UVRAG: variants seen among roughly 807,000 people sequenced by gnomAD.
UVRAG encodes UV radiation resistance-associated gene protein.
Under a neutral mutation model 78.0 loss-of-function variants are expected in UVRAG, and 19 were observed. That is an observed-to-expected ratio of 0.24 (90% confidence interval 0.17 to 0.36). UVRAG has a LOEUF of 0.36. Among genes scored for constraint, UVRAG ranks in the 10% least tolerant of loss-of-function variants. UVRAG has a pLI of 1.00. For missense variants in UVRAG, 740 were observed against 853.8 expected (o/e 0.87, Z 1.66); for synonymous variants, 323 against 324.6 (o/e 1.00, Z 0.05).
At chr11:76,030,667 C>T (rs535673236) in intron 12 of UVRAG, among the ~76,000 whole-genome samples, 14 of 152,292 alleles carry the variant, frequency 9.2e-5, no homozygotes, top group Middle Eastern at 3.4e-3. Flanking sequence ...CCTTGATACT[C>T]ATTGTCCATG....
intron 13 of UVRAG, among the ~76,000 whole-genome samples, chr11:76,091,596 A>G (rs1255795326): frequency 6.6e-6 from 1 of 151,308 alleles, no homozygotes; most frequent in Non-Finnish European, 1.5e-5. Context: ...CTCTGGAGAG[A>G]TTTGCTTACC....
At chr11:76,086,466 T>C (rs1951590829) in intron 13 of UVRAG, among the ~76,000 whole-genome samples, 2 of 152,220 alleles carry the variant, frequency 1.3e-5, no homozygotes. Flanking sequence ...TCCTTTCATA[T>C]TTGAAATTAA....
At chr11:76,005,664 G>A (rs555370876) in intron 9 of UVRAG, among the ~76,000 whole-genome samples, 2 of 152,326 alleles carry the variant, frequency 1.3e-5, no homozygotes, top group East Asian at 3.9e-4. Flanking sequence ...ATTCCCACAA[G>A]ACTGCCTCAC....
At chr11:76,088,213 A>C (rs1246731928) in intron 13 of UVRAG, among the ~76,000 whole-genome samples, 2 of 152,192 alleles carry the variant, frequency 1.3e-5, no homozygotes, top group African/African-American at 4.8e-5. Flanking sequence ...CAGTAATGAC[A>C]TCAGTGATAC....
At chr11:75,879,831 G>A (rs138803729) in intron 3 of UVRAG, 48 bp from the exon 4 acceptor site, 32 of 1,573,712 alleles carry the variant, frequency 2.0e-5, no homozygotes, top group Non-Finnish European at 2.5e-5. Context: ...TGAAATAATC[G>A]TAAACAAATA....
chr11:75,969,854 C>T (rs1246892347), intron 7 of UVRAG, among the ~76,000 whole-genome samples: 4 of 152,172 alleles, frequency 2.6e-5, no homozygotes, highest in East Asian at 1.9e-4. Context: ...ACTGAGTTCC[C>T]ACGCTTCCTC....
intron 9 of UVRAG, among the ~76,000 whole-genome samples, chr11:76,005,546 TACA>T (rs1354724774): frequency 6.6e-6 from 1 of 152,206 alleles, no homozygotes; most frequent in Non-Finnish European, 1.5e-5. Flanking sequence ...CACCACTCAA[TACA>T]ACACTTTTAA....
At chr11:76,124,339 C>T (rs17134579) in intron 14 of UVRAG, among the ~76,000 whole-genome samples, 18,778 of 152,162 alleles carry the variant, frequency 0.12, 2,943 homozygotes, top group African/African-American at 0.37. Flanking sequence ...AGTTGACAGT[C>T]GTTTAGTTTA....
At chr11:75,835,384 T>A (rs1273978670) in intron 1 of UVRAG, 1 of 152,162 alleles carries the variant, frequency 6.6e-6, no homozygotes, top group Non-Finnish European at 1.5e-5. Context: ...GGTATGCAGA[T>A]GACAATTTCC....
chr11:76,083,659 G>C (rs1043627741), intron 13 of UVRAG, among the ~76,000 whole-genome samples: 1 of 152,106 alleles, frequency 6.6e-6, no homozygotes, highest in Non-Finnish European at 1.5e-5. Context: ...TAAGCTAACC[G>C]GGAAGAGGAA....
At chr11:76,108,979 A>G (rs1447888367) in intron 13 of UVRAG, among the ~76,000 whole-genome samples, 2 of 152,198 alleles carry the variant, frequency 1.3e-5, no homozygotes, top group Non-Finnish European at 2.9e-5. Flanking sequence ...GTAAAGCTGA[A>G]ATTCAAACTA....
chr11:76,080,286 G>A (rs1308054168), intron 13 of UVRAG, among the ~76,000 whole-genome samples: 1 of 152,170 alleles, frequency 6.6e-6, no homozygotes. Context: ...TTTGTTATTA[G>A]TGTAGAAAAG....
intron 12 of UVRAG, among the ~76,000 whole-genome samples, chr11:76,060,607 G>C (rs944112287): frequency 6.6e-6 from 1 of 152,352 alleles, no homozygotes; most frequent in South Asian, 2.1e-4. Flanking sequence ...CGGCGCTTGC[G>C]GGCCAGCTGG....
chr11:76,018,911 T>C (rs779364618), intron 12 of UVRAG, among the ~76,000 whole-genome samples: 5 of 152,184 alleles, frequency 3.3e-5, no homozygotes, highest in Non-Finnish European at 5.9e-5. Context: ...TTCTCTGTTA[T>C]TATTCCTTTC....
At chr11:76,088,127 TATGGGCTCAA>T (rs1056863888) in intron 13 of UVRAG, among the ~76,000 whole-genome samples, 1 of 152,132 alleles carries the variant, frequency 6.6e-6, no homozygotes, top group Non-Finnish European at 1.5e-5. Flanking sequence ...GTCTCAAACT[TATGGGCTCAA>T]GCGATAGTGA....
chr11:75,975,676 T>C (rs958918313), intron 7 of UVRAG, among the ~76,000 whole-genome samples: 1 of 152,230 alleles, frequency 6.6e-6, no homozygotes, highest in Non-Finnish European at 1.5e-5. Context: ...TTTTCTGTTA[T>C]TGGTGTATAG....
intron 13 of UVRAG, among the ~76,000 whole-genome samples, chr11:76,115,386 A>G (rs1226456861): frequency 2.0e-5 from 3 of 152,202 alleles, no homozygotes; most frequent in Non-Finnish European, 2.9e-5. Context: ...GTGAGTTGCA[A>G]TGTATTTGTT....
At chr11:75,888,605 T>C (rs1016334143) in intron 4 of UVRAG, among the ~76,000 whole-genome samples, 1 of 152,210 alleles carries the variant, frequency 6.6e-6, no homozygotes, top group African/African-American at 2.4e-5. Flanking sequence ...TGATGGTGCC[T>C]GTGATTGCAT....
At chr11:76,116,296 G>A (rs1332420266) in intron 14 of UVRAG, among the ~76,000 whole-genome samples, 1 of 152,170 alleles carries the variant, frequency 6.6e-6, no homozygotes, top group Non-Finnish European at 1.5e-5. Flanking sequence ...GAGACAAACT[G>A]GAAGACAGCC....
Sources: allele counts gnomAD v4.1 joint callset (sites outside exome capture counted in the v4.1 genomes callset), GRCh38; gene constraint gnomAD v4.1.1; transcripts MANE v1.5; gene names NCBI Gene and HGNC (gene_info 2026-07-23, HGNC 2026-07-21).